The following ADAMTS3 variants were observed in gnomAD, a reference collection of about 807,000 sequenced individuals.
ADAMTS3 encodes ADAM metallopeptidase with thrombospondin type 1 motif 3.
A neutral mutation model predicts 129.0 loss-of-function variants in ADAMTS3; 73 were observed. That is an observed-to-expected ratio of 0.57 (90% CI 0.47 to 0.69). The LOEUF is 0.69. ADAMTS3 is among the 30% of genes least tolerant of loss of function. The pLI is 0.00. For synonymous variants in ADAMTS3, 477 were observed against 510.8 expected (o/e 0.93, Z 0.89); for missense variants, 1,457 against 1,514.5 (o/e 0.96, Z 0.63).
chr4:72,509,897 T>C (rs1479257207), intron 3 of ADAMTS3, among the ~76,000 whole-genome samples: 1 of 151,526 alleles, frequency 6.6e-6, no homozygotes, highest in Admixed American at 6.6e-5. Context: ...CAACAATACA[T>C]TAGAAAGGTC....
chr4:72,518,963 C>T (rs944306743), intron 3 of ADAMTS3, among the ~76,000 whole-genome samples: 4 of 152,064 alleles, frequency 2.6e-5, no homozygotes, highest in African/African-American at 4.8e-5. Flanking sequence ...CATGATTTTG[C>T]AGCGGCTGGT....
chr4:72,487,540 G>A (rs1196151218), intron 3 of ADAMTS3, among the ~76,000 whole-genome samples: 1 of 152,102 alleles, frequency 6.6e-6, no homozygotes, highest in Non-Finnish European at 1.5e-5. Flanking sequence ...TGGGCAATCA[G>A]TTATACCACT....
intron 4 of ADAMTS3, among the ~76,000 whole-genome samples, chr4:72,413,952 T>C (rs976725): frequency 0.67 from 100,870 of 151,094 alleles, 34,260 homozygotes; most frequent in South Asian, 0.8. Flanking sequence ...GGGAAGTTAG[T>C]AGCATCTGAA....
intron 3 of ADAMTS3, among the ~76,000 whole-genome samples, chr4:72,509,156 G>A (rs1720244146): frequency 6.6e-6 from 1 of 151,588 alleles, no homozygotes; most frequent in Admixed American, 6.6e-5. Flanking sequence ...AGCTATAAGT[G>A]TCTACATCAA....
intron 3 of ADAMTS3, among the ~76,000 whole-genome samples, chr4:72,516,190 T>G (rs28802585): frequency 3.3e-5 from 5 of 151,858 alleles, no homozygotes; most frequent in Admixed American, 1.3e-4. Flanking sequence ...TGTTCCATTG[T>G]TCTATATCTC....
In ADAMTS3 at chr4:72,537,695, G is replaced by A. The variant is rs72853093; in HGVS notation, c.504+10783C>T. On this transcript the variant is annotated intron_variant, in intron 3 of 21. Transcript: ENST00000286657. ...ATTTCCAGAGATACAACACTATTAG[G>A]TTCAGAAGCTCAATTTAAAACCAAA... 6.3e-3 allele frequency among the ~76,000 whole-genome samples: 954 copies of A among 152,162 alleles called. 17 individuals carry two copies. The highest frequency in any genetic ancestry group is 0.022 in the African/African-American group (906 of 41,492).
chr4:72,379,637 T>C (rs948721297), intron 4 of ADAMTS3, among the ~76,000 whole-genome samples: 8 of 152,252 alleles, frequency 5.3e-5, no homozygotes, highest in African/African-American at 1.9e-4. Context: ...AAGTTTTGCA[T>C]ATTCCAATTA....
At chr4:72,323,777 G>C (rs1578582621) in intron 5 of ADAMTS3, among the ~76,000 whole-genome samples, 1 of 152,172 alleles carries the variant, frequency 6.6e-6, no homozygotes, top group East Asian at 1.9e-4. Context: ...TAAAAAATTA[G>C]GCTGAAATTT....
chr4:72,454,472 T>C (rs541248445), intron 3 of ADAMTS3, among the ~76,000 whole-genome samples: 7 of 151,900 alleles, frequency 4.6e-5, no homozygotes, highest in African/African-American at 1.7e-4. Flanking sequence ...TGAGTCTGAA[T>C]AGAAAGCCCG....
At chr4:72,331,254 G>A (rs541675305) in intron 5 of ADAMTS3, among the ~76,000 whole-genome samples, 1 of 152,224 alleles carries the variant, frequency 6.6e-6, no homozygotes, top group Non-Finnish European at 1.5e-5. Flanking sequence ...AAAGGTGGCT[G>A]AATCGACTTG....
chr4:72,355,746 T>C (rs1234312388), intron 4 of ADAMTS3, among the ~76,000 whole-genome samples: 1 of 152,042 alleles, frequency 6.6e-6, no homozygotes, highest in African/African-American at 2.4e-5. Context: ...CCAGCAGAAC[T>C]GTGAGAAATA....
At chr4:72,313,999 T>C (rs1238137840) in intron 11 of ADAMTS3, among the ~76,000 whole-genome samples, 177 bp from the exon 12 acceptor site, 3 of 152,186 alleles carry the variant, frequency 2.0e-5, no homozygotes, top group Admixed American at 6.5e-5. Flanking sequence ...TAAAGGGTAA[T>C]TTAGACTTGT....
At chr4:72,435,668 G>A (rs1722803230) in intron 3 of ADAMTS3, among the ~76,000 whole-genome samples, 1 of 151,764 alleles carries the variant, frequency 6.6e-6, no homozygotes, top group Admixed American at 6.6e-5. Context: ...ATAGACAAAT[G>A]GAACAGAACA....
chr4:72,367,956 T>C (rs1050353024), intron 4 of ADAMTS3, among the ~76,000 whole-genome samples: 2 of 152,176 alleles, frequency 1.3e-5, no homozygotes, highest in South Asian at 2.1e-4. Flanking sequence ...GGATGTTATA[T>C]GCATAATGTA....
Position 72,497,435 on chromosome 4 carries a change from A to G in ADAMTS3, c.504+51043T>C, listed in dbSNP as rs146278231. Among the ~76,000 whole-genome samples, 307 of 151,910 alleles carry G rather than the reference A, an allele frequency of 2.0e-3. 3 individuals are homozygous for G. The highest frequency in any genetic ancestry group is 7.0e-3 in the African/African-American group (291 of 41,500). ...TACTCTTTTGGAGAACTTGTAAAACATTTTCCTATCTATTGCTTACATTTT... is the reference window on the plus strand; with the variant it reads ...TACTCTTTTGGAGAACTTGTAAAACGTTTTCCTATCTATTGCTTACATTTT... On this transcript the variant is annotated intron_variant, in intron 3 of 21. Transcript: ENST00000286657.
intron 3 of ADAMTS3, chr4:72,441,599 GT>G: frequency 6.6e-6 from 1 of 151,630 alleles, no homozygotes; most frequent in Admixed American, 6.6e-5. Context: ...AGAAATCTTG[GT>G]CTACTCCAAA....
At chr4:72,403,288 A>C (rs753816189) in intron 4 of ADAMTS3, among the ~76,000 whole-genome samples, 3 of 152,094 alleles carry the variant, frequency 2.0e-5, no homozygotes, top group Non-Finnish European at 4.4e-5. Flanking sequence ...CTTCATGGTG[A>C]CCACATTAAT....
At chr4:72,383,070 A>C (rs965778226) in intron 4 of ADAMTS3, among the ~76,000 whole-genome samples, 3 of 152,122 alleles carry the variant, frequency 2.0e-5, no homozygotes, top group African/African-American at 7.2e-5. Context: ...TATCCTGTGA[A>C]TAGAAAGATT....
intron 13 of ADAMTS3, among the ~76,000 whole-genome samples, chr4:72,311,433 A>G (rs938422540): frequency 6.6e-6 from 1 of 152,146 alleles, no homozygotes; most frequent in African/African-American, 2.4e-5. Context: ...CAGGAACAAC[A>G]GGTATAAACT....
Sources: allele counts gnomAD v4.1 joint callset (sites outside exome capture counted in the v4.1 genomes callset), GRCh38; gene constraint gnomAD v4.1.1; transcripts MANE v1.5; gene names NCBI Gene and HGNC (gene_info 2026-07-23, HGNC 2026-07-21).